The following TYK2 variants were observed in gnomAD, a reference collection of about 807,000 sequenced individuals.
TYK2 encodes the protein non-receptor tyrosine-protein kinase TYK2.
In TYK2, 65 loss-of-function variants were observed where a neutral mutation model predicts 130.9. The ratio of observed to expected loss-of-function variants is 0.50; its 90% CI spans 0.41 to 0.61. The LOEUF (loss-of-function observed/expected upper bound fraction) is 0.61. Among genes scored for constraint, TYK2 ranks in the 20% least tolerant of loss-of-function variants. The probability of loss-of-function intolerance (pLI) is 0.00; values close to 1 mark genes in which losing one functional copy is unlikely to be tolerated. For missense variants in TYK2, 1,378 were observed against 1,610.7 expected, an observed-to-expected ratio of 0.86 and a Z score of 2.47; for synonymous variants, 647 against 658.9, an observed-to-expected ratio of 0.98 and a Z score of 0.28.
intron 3 of TYK2, among the ~76,000 whole-genome samples, chr19:10,370,176 G>A (rs573892740): frequency 6.6e-6 from 1 of 151,588 alleles, no homozygotes; most frequent in East Asian, 1.9e-4. Context: ...AGCGTGGCCA[G>A]CATGGTGAAA....
rs193083098 is a variant in TYK2 at position 10,369,913 on chromosome 19, G to A, written c.194-1495C>T. 1.8e-4 allele frequency: 61 copies of A among 345,790 alleles called. 1 individual carries two copies. Among genetic ancestry groups the A allele is most frequent in the Admixed American group, 1.0e-3 (27 of 26,228 alleles). 21.4% of individuals were successfully genotyped at this position (345,790 alleles called of 1,614,324 possible). A position where few individuals can be genotyped will look rare whatever the true frequency, so the allele number is the denominator to read the frequency against. ...CAAAAAATTAGCCAGGCATGGTGGCGGATGCCTGTAGTCCCAGCTACTTGG... is the reference window on the plus strand; with the variant it reads ...CAAAAAATTAGCCAGGCATGGTGGCAGATGCCTGTAGTCCCAGCTACTTGG... On this transcript the variant is annotated intron_variant, in intron 3 of 24. Transcript: ENST00000525621.
In TYK2 at chr19:10,354,604, C is replaced by T; in HGVS notation, c.2623G>A (p.Ala875Thr). 3.1e-6 allele frequency: 5 copies of T among 1,613,960 alleles called. No homozygotes were observed. The highest frequency in any genetic ancestry group is 4.2e-6 in the Non-Finnish European group (5 of 1,179,948). ...TCCGGGTTCACAGTCAAGACGTCAG[C>T]AAGATCTGGAAGAGTTGCGGTGGGT... ...DLTRLQPHNL[A>T]DVLTVNPDSP... The change falls in exon 19 of 25, where the codon GCT (alanine) becomes ACT (threonine). Residue 875 changes from alanine (A) to threonine (T), a missense_variant. Physicochemically the swap from Ala to Thr is moderately conservative, Grantham distance 58. Transcript: ENST00000525621.
intron 6 of TYK2, among the ~76,000 whole-genome samples, 190 bp downstream of exon 6, chr19:10,366,227 A>C (rs1303438669): frequency 1.3e-5 from 2 of 152,044 alleles, no homozygotes; most frequent in Non-Finnish European, 2.9e-5. Flanking sequence ...GAATCTCTTG[A>C]ACCTGGGACG....
chr19:10,361,886 C>A lies in TYK2; in HGVS notation c.1843G>T (p.Asp615Tyr). 6.2e-7 allele frequency: 1 copy of A among 1,614,072 alleles called. No individual in the cohort carries two copies. Among genetic ancestry groups the A allele is most frequent in the African/African-American group, 1.3e-5 (1 of 75,042 alleles). Residue 615 changes from aspartate (D) to tyrosine (Y), a missense_variant, in exon 13 of 25, where the codon GAC becomes TAC. Asp to Tyr is a radical substitution (Grantham distance 160, BLOSUM62 -3). Coordinates refer to ENST00000525621, the MANE Select transcript of TYK2 (RefSeq NM_003331.5). The surrounding 1 kb of genome is among the most constrained non-coding windows in gnomAD (Gnocchi z 4.0). ...EGRLRVEGSG[D>Y]PEEGKMDDED... ...TCATCCATCTTGCCCTCCTCAGGGT[C>A]CCCGCTGCCCTCCACTCGCAGGCGG...
In TYK2 at chr19:10,361,804, T is replaced by C. The variant is rs745986684; in HGVS notation, c.1925A>G (p.Lys642Arg). The change falls in exon 13 of 25, where the codon AAA (lysine) becomes AGA (arginine). Residue 642 changes from lysine (K) to arginine (R), a missense_variant. Coordinates refer to ENST00000525621, the MANE Select transcript of TYK2 (RefSeq NM_003331.5). The surrounding 1 kb of genome is among the most constrained non-coding windows in gnomAD (Gnocchi z 4.0). Reference sequence around the variant, plus strand: ...GTCATGGTGACTAGGGTCCAGCACTTTGAGCACCACTCGTAGCTCCTGCCC... The same window carrying C: ...GTCATGGTGACTAGGGTCCAGCACTCTGAGCACCACTCGTAGCTCCTGCCC... ...DRGQELRVVL[K>R]VLDPSHHDIA... The C allele has an allele frequency of 1.2e-6, 2 of 1,613,742 alleles. No individual in the cohort carries two copies. Among genetic ancestry groups the C allele is most frequent in the Non-Finnish European group, 1.7e-6 (2 of 1,179,934 alleles).
intron 3 of TYK2, among the ~76,000 whole-genome samples, chr19:10,376,183 T>G (rs1462153849): frequency 1.4e-5 from 2 of 145,952 alleles, no homozygotes; most frequent in Non-Finnish European, 3.0e-5. Flanking sequence ...TGGCTACATT[T>G]TGTATTTTTA....
Position 10,368,334 on chromosome 19 carries a change from A to T in TYK2, c.278T>A (p.Ile93Asn). ...VWLPPNHILE[I>N]PRDASLMLYF... ...TAGCATCAGGCTTGCATCTCTGGGG[A>T]TCTCTAGGATGTGGTTTGGGGGCAA... The change falls in exon 4 of 25, where the codon ATC (isoleucine) becomes AAC (asparagine). Residue 93 changes from isoleucine (I) to asparagine (N), a missense_variant. Transcript: ENST00000525621. 1 of 1,614,076 alleles carries T rather than the reference A, an allele frequency of 6.2e-7. No homozygotes were observed. The highest frequency in any genetic ancestry group is 8.5e-7 in the Non-Finnish European group (1 of 1,180,008).
rs1398836894 is a variant in TYK2, at chr19:10,364,536, C to T, written c.1367+78G>A. Reference sequence around the variant, plus strand: ...AATAAGACGTGCACCTACACACACACCCTGCACAGCCCCTAGGGCTCACAG... The same window carrying T: ...AATAAGACGTGCACCTACACACACATCCTGCACAGCCCCTAGGGCTCACAG... On this transcript the variant is annotated intron_variant, in intron 9 of 24. Transcript: ENST00000525621. This position sits in a 1 kb window ranked among gnomAD's most constrained non-coding sequence, Gnocchi z 4.9. 4 of 1,534,918 alleles carry T rather than the reference C, an allele frequency of 2.6e-6. No homozygotes were observed. The highest frequency in any genetic ancestry group is 1.7e-5 in the Admixed American group (1 of 59,734).
chr19:10,358,799 T>C (rs928973667), intron 15 of TYK2, among the ~76,000 whole-genome samples: 13 of 151,902 alleles, frequency 8.6e-5, no homozygotes, highest in Non-Finnish European at 1.8e-4. Context: ...GCGTGGTGGC[T>C]CACGCCTGGA....
chr19:10,368,205 G>A lies in TYK2; in HGVS notation c.318-3C>T. ...CATGCCAGTTCCGGAAATAAAACCT[G>A]CAGGAAGGAGGGACGCAGCTGGGGC... On this transcript the variant is annotated splice_region_variant and splice_polypyrimidine_tract_variant and intron_variant, in intron 4 of 24. Transcript: ENST00000525621. The A allele has an allele frequency of 6.2e-7, 1 of 1,614,142 alleles. No homozygotes were observed.
rs1037259076 is a variant in TYK2, at chr19:10,362,530, C to A, written c.1476+19G>T. On this transcript the variant is annotated intron_variant, in intron 10 of 24. Coordinates refer to ENST00000525621, the MANE Select transcript of TYK2 (RefSeq NM_003331.5). ...GGAACGTGTCCAGCCCCAGCCCCAG[C>A]CCCCAGCCCTGGGCTCACCTGGCTA... 14 of 1,555,374 alleles carry A rather than the reference C, an allele frequency of 9.0e-6. No individual in the cohort carries two copies. The African/African-American group carries it at 1.9e-4, about 21-fold the overall frequency.
intron 18 of TYK2, among the ~76,000 whole-genome samples, chr19:10,356,252 G>A (rs751005792): frequency 3.3e-5 from 5 of 152,104 alleles, no homozygotes; most frequent in African/African-American, 7.2e-5. Context: ...GGTGGCACAC[G>A]CTTGTAATCC....
At chr19:10,379,179 T>G (rs2042281202) in intron 2 of TYK2, among the ~76,000 whole-genome samples, 1 of 151,284 alleles carries the variant, frequency 6.6e-6, no homozygotes, top group African/African-American at 2.4e-5. Flanking sequence ...ATTTTTAAAA[T>G]TTAGCCAGGC....
rs1368114611 is a variant in TYK2, at chr19:10,372,480, A to AT, written c.194-4063dup. 8.3e-4 allele frequency among the ~76,000 whole-genome samples: 53 copies of AT among 64,004 alleles called. 1 individual carries two copies. The highest frequency in any genetic ancestry group is 1.2e-3 in the African/African-American group (12 of 10,266). 42.0% of individuals were successfully genotyped at this position (64,004 alleles called of 152,430 possible). A position where few individuals can be genotyped will look rare whatever the true frequency, so the allele number is the denominator to read the frequency against. ...CAGCTATATATATATATATATATAT[A>AT]TATATTTTTTTTTTTTTTTTTTTTT... On this transcript the variant is annotated intron_variant, in intron 3 of 24. Transcript: ENST00000525621.
intron 9 of TYK2, among the ~76,000 whole-genome samples, chr19:10,363,857 G>A (rs1047558562): frequency 2.0e-5 from 3 of 152,194 alleles, no homozygotes; most frequent in African/African-American, 4.8e-5. Context: ...ACGGCCACAG[G>A]CCTCACAAGG....
At chr19:10,371,330 A>T (rs2041899741) in intron 3 of TYK2, among the ~76,000 whole-genome samples, 1 of 151,592 alleles carries the variant, frequency 6.6e-6, no homozygotes, top group Admixed American at 6.6e-5. Context: ...CATATCCTCT[A>T]CAATCTAGCC....
intron 3 of TYK2, among the ~76,000 whole-genome samples, chr19:10,375,446 C>A (rs1329606144): frequency 6.6e-6 from 1 of 151,718 alleles, no homozygotes; most frequent in Non-Finnish European, 1.5e-5. Flanking sequence ...GGCAAAACTC[C>A]AGCTCTACTA....
At chr19:10,363,153 G>C (rs936778305) in intron 9 of TYK2, among the ~76,000 whole-genome samples, 4 of 151,386 alleles carry the variant, frequency 2.6e-5, no homozygotes, top group Non-Finnish European at 5.9e-5. Flanking sequence ...TGGGATTACA[G>C]GCATGAGCCA....
intron 3 of TYK2, among the ~76,000 whole-genome samples, chr19:10,374,537 A>T (rs552532115): frequency 1.1e-4 from 15 of 139,372 alleles, no homozygotes; most frequent in Admixed American, 6.7e-4. Context: ...GTGAGCCGAG[A>T]TCACACCACT....
Sources: gnomAD v4.1 joint callset for allele counts (sites outside exome capture counted in the v4.1 genomes callset) on GRCh38, gnomAD v4.1.1 for gene constraint, Gnocchi (gnomAD v3.1) non-coding constraint, MANE v1.5 for transcripts, NCBI Gene and HGNC (gene_info 2026-07-23, HGNC 2026-07-21) for gene names.